Variants in CES2 observed in about 807,000 individuals in gnomAD.
The protein encoded by CES2 is cocaine esterase.
In CES2, 42 loss-of-function variants were observed where a neutral mutation model predicts 52.1. That is an observed-to-expected ratio of 0.81 (90% CI 0.63 to 1.04). CES2 has a LOEUF of 1.04. CES2 is among the 50% of genes least tolerant of loss of function. The pLI, the probability that CES2 is intolerant of heterozygous loss-of-function variation, is 0.00. For missense variants in CES2, 656 were observed against 724.3 expected, an observed-to-expected ratio of 0.91 and a Z score of 1.08; for synonymous variants, 277 against 289.6, an observed-to-expected ratio of 0.96 and a Z score of 0.44.
chr16:66,941,384 G>GT (rs1344783341), intron 6 of CES2, 122 bp from the exon 7 acceptor site: 6 of 1,521,320 alleles, frequency 3.9e-6, no homozygotes, highest in Non-Finnish European at 5.3e-6. Flanking sequence ...GAGCCAAACA[G>GT]TAATCTCCTG....
At chr16:66,935,498 C>G, upstream of CES2, 1 of 1,613,918 alleles carries the variant, frequency 6.2e-7, no homozygotes, top group Non-Finnish European at 8.5e-7. Flanking sequence ...CCCAAGCCAG[C>G]GCACCCCGCT....
rs550130332 is a variant in CES2 at position 66,940,061 on chromosome 16, T to C, written c.424-161T>C. The stretch of plus-strand genomic sequence containing the variant: ...CAAAGATTGGGAGGCCTGGTCTTCC[T>C]GATAGATCTTGGGTGCCTAACCATT... On this transcript the variant is annotated intron_variant, in intron 3 of 11. Transcript: ENST00000317091. 1.2e-3 allele frequency among the ~76,000 whole-genome samples: 190 copies of C among 152,328 alleles called. 1 individual carries two copies. The highest frequency in any genetic ancestry group is 4.4e-3 in the African/African-American group (184 of 41,574).
chr16:66,943,368 A>G lies in CES2; in HGVS notation c.1490A>G (p.Asn497Ser). The change falls in exon 11 of 12, where the codon AAT (asparagine) becomes AGT (serine). Residue 497 changes from asparagine to serine, a missense_variant. Asn to Ser is a conservative substitution (Grantham distance 46). Coordinates refer to ENST00000317091, the MANE Select transcript of CES2 (RefSeq NM_001365405.1). The surrounding 1 kb of genome is among the most constrained non-coding windows in gnomAD (Gnocchi z 4.2). Reference sequence around the variant, plus strand: ...AAGTACTGGGCCAACTTTGCGAGAAATGGGTGAGACAGCACACCCCTGCCT... The same window carrying G: ...AAGTACTGGGCCAACTTTGCGAGAAGTGGGTGAGACAGCACACCCCTGCCT... ...MMKYWANFAR[N>S]GNPNGEGLPH... The G allele has an allele frequency of 1.2e-6, 2 of 1,614,098 alleles. No individual in the cohort carries two copies. The highest frequency in any genetic ancestry group is 1.7e-6 in the Non-Finnish European group (2 of 1,179,982).
In CES2 at chr16:66,936,059, G is replaced by A. The variant is rs575430709; in HGVS notation, c.76+348G>A. 3.9e-4 allele frequency: 468 copies of A among 1,185,296 alleles called. 6 individuals are homozygous for A. The South Asian group carries it at 6.5e-3, about 17-fold the overall frequency. 73.4% of individuals were successfully genotyped at this position (1,185,296 alleles called of 1,614,324 possible). ...TCCCTCTTATGATTGTGGCTGTAGC[G>A]GGTGCTGCCGGCCGGTAATAACAGT... is the stretch of plus-strand genomic sequence containing the variant. On this transcript the variant is annotated intron_variant, in intron 1 of 11. Coordinates refer to ENST00000317091, the MANE Select transcript of CES2 (RefSeq NM_001365405.1).
chr16:66,935,193 TG>T, upstream of CES2: 1 of 422,408 alleles, frequency 2.4e-6, no homozygotes, highest in Admixed American at 3.8e-5. Context: ...TTTCTCCATC[TG>T]GGGGATCCTG....
At chr16:66,934,748 C>T (rs1963157749), upstream of CES2, 1 of 210,420 alleles carries the variant, frequency 4.8e-6, no homozygotes, top group Admixed American at 5.3e-5. The surrounding 1 kb of genome is among the most constrained non-coding windows in gnomAD (Gnocchi z 4.1). Context: ...TTGGTCGCCT[C>T]TGGCCTGGCA....
chr16:66,937,039 C>G (rs1294765421), intron 1 of CES2, among the ~76,000 whole-genome samples: 3 of 148,474 alleles, frequency 2.0e-5, no homozygotes, highest in African/African-American at 7.4e-5. Flanking sequence ...AAAAGTCAAG[C>G]ATGGTGGCAG....
At chr16:66,941,389 C>T (rs1228315717) in intron 6 of CES2, 117 bp from the exon 7 acceptor site, 10 of 1,525,094 alleles carry the variant, frequency 6.6e-6, no homozygotes, top group Non-Finnish European at 8.0e-6. Flanking sequence ...AAACAGTAAT[C>T]TCCTGGGGTG....
Position 66,943,457 on chromosome 16 carries a change from A to G in CES2, c.1493+86A>G. The stretch of plus-strand genomic sequence containing the variant: ...TCTCCTAGTCTGGGGTGACCTCATG[A>G]GCACACCCGCATCCTTCATCACATG... On this transcript the variant is annotated intron_variant, in intron 11 of 11. Coordinates refer to ENST00000317091, the MANE Select transcript of CES2 (RefSeq NM_001365405.1). The surrounding 1 kb of genome is among the most constrained non-coding windows in gnomAD (Gnocchi z 4.2). 1 of 1,389,634 alleles carries G rather than the reference A, an allele frequency of 7.2e-7. No individual in the cohort carries two copies. Among genetic ancestry groups the G allele is most frequent in the Admixed American group, 1.7e-5 (1 of 57,852 alleles). 86.1% of individuals were successfully genotyped at this position (1,389,634 alleles called of 1,614,324 possible). A position where few individuals can be genotyped will look rare whatever the true frequency, so the allele number is the denominator to read the frequency against.
In CES2 at chr16:66,944,824, C is replaced by T. The variant is rs936610752; in HGVS notation, c.*799C>T. On this transcript the variant is annotated 3_prime_UTR_variant, in exon 12 of 12. Coordinates refer to ENST00000317091, the MANE Select transcript of CES2 (RefSeq NM_001365405.1). ...CAAGCCTGCCATGGGTCCTCTCTTG[C>T]TAGACACACTCCATAGATCCCCCCA... The T allele has an allele frequency of 6.6e-6, 1 of 152,280 alleles. No homozygotes were observed. The highest frequency in any genetic ancestry group is 1.5e-5 in the Non-Finnish European group (1 of 68,084). The allele number at this position is 152,280 out of a possible 1,614,324, so 9.4% of individuals were successfully genotyped here.
upstream of CES2, chr16:66,935,156 C>G: frequency 2.6e-6 from 1 of 379,764 alleles, no homozygotes; most frequent in South Asian, 7.2e-5. Flanking sequence ...TCAAGCGGTT[C>G]CTTCACCCCG....
At chr16:66,941,732 C>T (rs1297739027) in intron 7 of CES2, 36 bp from the exon 8 acceptor site, 1 of 1,613,988 alleles carries the variant, frequency 6.2e-7, no homozygotes, top group South Asian at 1.1e-5. Context: ...CAGGCTCATC[C>T]CATCCCCAGC....
Position 66,943,252 on chromosome 16 carries a change from G to A in CES2, c.1421-47G>A. 1 of 1,598,298 alleles carries A rather than the reference G, an allele frequency of 6.3e-7. No individual in the cohort carries two copies. The highest frequency in any genetic ancestry group is 8.6e-7 in the Non-Finnish European group (1 of 1,166,876). On this transcript the variant is annotated intron_variant, in intron 10 of 11. Transcript: ENST00000317091. The surrounding 1 kb of genome is among the most constrained non-coding windows in gnomAD (Gnocchi z 4.2). The stretch of plus-strand genomic sequence containing the variant: ...AAGGACGAGCTCCACCTGGGATGCT[G>A]AGGTTGGACATCCTGATGAAGACAC...
intron 1 of CES2, 70 bp from the exon 2 acceptor site, chr16:66,937,967 G>A: frequency 7.8e-7 from 1 of 1,276,680 alleles, no homozygotes. Flanking sequence ...CAAGGAAGCA[G>A]CAATACCAAC....
chr16:66,943,232 C>G lies in CES2; in HGVS notation c.1421-67C>G, dbSNP rs535336726. 1.3e-6 allele frequency: 2 copies of G among 1,547,312 alleles called. No homozygotes were observed. Among genetic ancestry groups the G allele is most frequent in the East Asian group, 2.3e-5 (1 of 43,992 alleles). On this transcript the variant is annotated intron_variant, in intron 10 of 11. Transcript: ENST00000317091. This position sits in a 1 kb window ranked among gnomAD's most constrained non-coding sequence, Gnocchi z 4.2. Reference sequence around the variant, plus strand: ...GGACCGAGGTCTCGGGGGCCAAGGACGAGCTCCACCTGGGATGCTGAGGTT... The same window carrying G: ...GGACCGAGGTCTCGGGGGCCAAGGAGGAGCTCCACCTGGGATGCTGAGGTT...
chr16:66,934,650 CA>C (rs1390394340), upstream of CES2: 1 of 444,366 alleles, frequency 2.3e-6, no homozygotes, highest in Non-Finnish European at 4.0e-6. The surrounding 1 kb of genome is among the most constrained non-coding windows in gnomAD (Gnocchi z 4.1). Context: ...AACCAGGTCT[CA>C]GGGGGCACTA....
chr16:66,936,061 G>A, intron 1 of CES2: 2 of 1,187,084 alleles, frequency 1.7e-6, no homozygotes, highest in South Asian at 1.8e-5. Context: ...GCTGTAGCGG[G>A]TGCTGCCGGC....
intron 1 of CES2, among the ~76,000 whole-genome samples, chr16:66,936,264 C>T (rs570953190): frequency 3.3e-5 from 5 of 152,294 alleles, no homozygotes; most frequent in African/African-American, 1.2e-4. Context: ...TGGCTCACTC[C>T]TTTAATCCCA....
At chr16:66,936,465 C>A (rs1963218939) in intron 1 of CES2, among the ~76,000 whole-genome samples, 1 of 152,118 alleles carries the variant, frequency 6.6e-6, no homozygotes, top group Admixed American at 6.5e-5. Context: ...GTTGAGGCTG[C>A]AGTGAGCCTT....
Sources: gnomAD v4.1 joint callset for allele counts (sites outside exome capture counted in the v4.1 genomes callset) on GRCh38, gnomAD v4.1.1 for gene constraint, Gnocchi (gnomAD v3.1) non-coding constraint, MANE v1.5 for transcripts, NCBI Gene and HGNC (gene_info 2026-07-23, HGNC 2026-07-21) for gene names.